Variants in REC8 observed in about 807,000 individuals in gnomAD.
REC8 encodes the protein REC8 meiotic recombination protein, also known as meiotic recombination protein REC8 homolog.
A neutral mutation model predicts 78.3 loss-of-function variants in REC8; 42 were observed. That is an observed-to-expected ratio of 0.54 (90% CI 0.42 to 0.69). The LOEUF is 0.69. Among genes scored for constraint, REC8 ranks in the 30% least tolerant of loss-of-function variants. REC8 has a pLI of 0.00. For missense variants in REC8, 581 were observed against 715.8 expected (o/e 0.81, Z 2.15); for synonymous variants, 268 against 274.1 (o/e 0.98, Z 0.22).
chr14:24,177,672 G>C, intron 10 of REC8, 37 bp from the exon 11 acceptor site: 1 of 1,600,584 alleles, frequency 6.2e-7, no homozygotes, highest in African/African-American at 1.3e-5. Context: ...AAGGGGTAAG[G>C]GGCTTATGGG....
intron 12 of REC8, 87 bp downstream of exon 12, chr14:24,178,309 G>A: frequency 8.3e-7 from 1 of 1,207,276 alleles, no homozygotes; most frequent in Non-Finnish European, 1.2e-6. Flanking sequence ...AAACTCCTCA[G>A]GTGGGTGGGG....
At chr14:24,172,670 T>C in intron 1 of REC8, 43 bp from the exon 2 acceptor site, 1 of 1,613,434 alleles carries the variant, frequency 6.2e-7, no homozygotes, top group Non-Finnish European at 8.5e-7. Flanking sequence ...GCCTGACAGC[T>C]CCCCCTCCAT....
chr14:24,180,787 C>A (rs746757459), downstream of REC8: 7 of 1,605,442 alleles, frequency 4.4e-6, no homozygotes, highest in Middle Eastern at 8.5e-4. Context: ...TGACTCAGGG[C>A]AGCAGCCCCA....
rs2038745098 is a variant in REC8, at chr14:24,173,204, T to C, written c.341+6T>C. On this transcript the variant is annotated splice_donor_region_variant and intron_variant, in intron 4 of 18. Transcript: ENST00000611366. ...ATAGATATGGAGACTGAGCTGTGAG[T>C]GTGCCCTGGGCCTTTGATGGAACAC... The C allele has an allele frequency of 1.2e-6, 2 of 1,614,164 alleles. No homozygotes were observed. Among genetic ancestry groups the C allele is most frequent in the Non-Finnish European group, 1.7e-6 (2 of 1,180,020 alleles).
Position 24,173,320 on chromosome 14 carries a change from C to T in REC8, c.371C>T (p.Ala124Val), listed in dbSNP as rs1386370082. Reference protein sequence around the residue: ...LPSLLLPNHLAMMETLEDAPD... With the variant: ...LPSLLLPNHLVMMETLEDAPD... ...AGCCTGCTGCTTCCTAACCACCTGG[C>T]CATGATGGAGACCCTAGAAGATGCT... Residue 124 changes from alanine to valine, a missense_variant, in exon 5 of 19, where the codon GCC becomes GTC. Coordinates refer to ENST00000611366, the MANE Select transcript of REC8 (RefSeq NM_001048205.2). 1.9e-6 allele frequency: 3 copies of T among 1,614,228 alleles called. No homozygotes were observed. The highest frequency in any genetic ancestry group is 4.5e-5 in the East Asian group (2 of 44,892).
rs547799260 is a variant in REC8 at position 24,174,650 on chromosome 14, C to T, written c.463-893C>T. Among the ~76,000 whole-genome samples, 210 of 152,286 alleles carry T rather than the reference C, an allele frequency of 1.4e-3. 4 individuals are homozygous for T. Among genetic ancestry groups the T allele is most frequent in the South Asian group, 1.0e-3 (5 of 4,824 alleles). ...TCTGGGCATCTGTGGCTCCTAAACA[C>T]TAGTTTGGCCCTTATGCCTCAATGA... On this transcript the variant is annotated intron_variant, in intron 5 of 18. Coordinates refer to ENST00000611366, the MANE Select transcript of REC8 (RefSeq NM_001048205.2).
Position 24,178,642 on chromosome 14 carries a change from C to T in REC8, c.1033C>T (p.Pro345Ser). Residue 345 changes from proline to serine, a missense_variant, in exon 13 of 19, where the codon CCT becomes TCT. Coordinates refer to ENST00000611366, the MANE Select transcript of REC8 (RefSeq NM_001048205.2). ...GCCGCCCGAGAGGACCATCAGAGGCCCTGCGGAGTTGTTCAGAACCCCAAC... is the reference window on the plus strand; with the variant it reads ...GCCGCCCGAGAGGACCATCAGAGGCTCTGCGGAGTTGTTCAGAACCCCAAC... ...VQPPERTIRG[P>S]AELFRTPTLS... is the part of the protein sequence containing the mutation. The T allele has an allele frequency of 6.2e-7, 1 of 1,614,068 alleles. No individual in the cohort carries two copies. Among genetic ancestry groups the T allele is most frequent in the Non-Finnish European group, 8.5e-7 (1 of 1,179,998 alleles).
chr14:24,175,450 G>A, intron 5 of REC8, 93 bp from the exon 6 acceptor site: 1 of 961,292 alleles, frequency 1.0e-6, no homozygotes. Flanking sequence ...CATAAAAGGA[G>A]ATTACCGTGC....
rs1443854502 is a variant in REC8, at chr14:24,172,194, C to G, written c.-359C>G. On this transcript the variant is annotated 5_prime_UTR_variant, in exon 1 of 19. Coordinates refer to ENST00000611366, the MANE Select transcript of REC8 (RefSeq NM_001048205.2). ...GGACCGAGGCCTGCTGTGGAGGACACCGTGCTCCCTCGGGACCTGCTCTGG... is the reference window on the plus strand; with the variant it reads ...GGACCGAGGCCTGCTGTGGAGGACAGCGTGCTCCCTCGGGACCTGCTCTGG... The G allele has an allele frequency of 6.9e-6, 2 of 290,346 alleles. No individual in the cohort carries two copies. The highest frequency in any genetic ancestry group is 1.3e-5 in the Non-Finnish European group (2 of 153,304). 18.0% of individuals were successfully genotyped at this position (290,346 alleles called of 1,614,324 possible). A position where few individuals can be genotyped will look rare whatever the true frequency, so the allele number is the denominator to read the frequency against.
In REC8 at chr14:24,176,951, TTC is replaced by T. The variant is rs1485694360; in HGVS notation, c.624+56_624+57del. 2.7e-6 allele frequency: 4 copies of T among 1,491,152 alleles called. No homozygotes were observed. The East Asian group carries it at 6.9e-5, about 26-fold the overall frequency. The allele number at this position is 1,491,152 out of a possible 1,614,324, so 92.4% of individuals were successfully genotyped here. ...TGAGGTCCAGCCCCCTTGCATGTAC[TTC>T]TCTCTGTCCCCAGAGTCCTGCCTTT... On this transcript the variant is annotated intron_variant, in intron 7 of 18. Transcript: ENST00000611366.
At chr14:24,174,165 A>AT (rs1291629534) in intron 5 of REC8, among the ~76,000 whole-genome samples, 3 of 151,538 alleles carry the variant, frequency 2.0e-5, no homozygotes, top group African/African-American at 7.3e-5. Flanking sequence ...GCCCGGCCCA[A>AT]TTTTTTTAGG....
chr14:24,179,013 C>T, intron 14 of REC8, 72 bp from the exon 15 acceptor site: 1 of 1,601,002 alleles, frequency 6.2e-7, no homozygotes, highest in Non-Finnish European at 8.5e-7. Flanking sequence ...AGCACAGGCT[C>T]ACTGGCCTTG....
In REC8 at chr14:24,178,095, G is replaced by A. The variant is rs770985369; in HGVS notation, c.869G>A (p.Arg290Lys). 3.1e-6 allele frequency: 5 copies of A among 1,612,990 alleles called. No homozygotes were observed. The highest frequency in any genetic ancestry group is 2.2e-5 in the South Asian group (2 of 91,014). ...CCTGCCCTCCCCACTCAACAGAGGA[G>A]GCCCCCAGTCCCCCCACCTCCTCGC... ...RLPAPPSPER[R>K]PPVPPPPRRR... is the part of the protein sequence containing the mutation. The change falls in exon 12 of 19, where the codon AGG becomes AAG. Residue 290 changes from arginine to lysine, a missense_variant. By Grantham distance (26) the Arg-to-Lys change is conservative. Transcript: ENST00000611366.
intron 5 of REC8, among the ~76,000 whole-genome samples, chr14:24,173,748 C>T (rs2038770250): frequency 6.6e-6 from 1 of 152,238 alleles, no homozygotes; most frequent in African/African-American, 2.4e-5. Flanking sequence ...AATACTCCTA[C>T]AGCTTAATGT....
chr14:24,177,265 G>T lies in REC8; in HGVS notation c.706+43G>T, dbSNP rs550528678. On this transcript the variant is annotated intron_variant, in intron 8 of 18. Coordinates refer to ENST00000611366, the MANE Select transcript of REC8 (RefSeq NM_001048205.2). ...CGTAGGGCCCGCCTGGAGCTGGATA[G>T]TCAGACCCCTGGCGTGGGCATTCTG... 2.5e-6 allele frequency: 4 copies of T among 1,612,172 alleles called. No homozygotes were observed. In the East Asian group the frequency reaches 8.9e-5, roughly 36 times the overall value.
At position 24,175,632 on chromosome 14, in the gene REC8, G is replaced by T; in HGVS notation, c.544+8G>T. On this transcript the variant is annotated splice_region_variant and intron_variant, in intron 6 of 18. Coordinates refer to ENST00000611366, the MANE Select transcript of REC8 (RefSeq NM_001048205.2). ...CAGAGCCCAGGGAGCCAGGTCAGCAGAGAGAACCTTCTTTCTGGTGAGAGG... is the reference window on the plus strand; with the variant it reads ...CAGAGCCCAGGGAGCCAGGTCAGCATAGAGAACCTTCTTTCTGGTGAGAGG... 6.2e-7 allele frequency: 1 copy of T among 1,609,246 alleles called. No individual in the cohort carries two copies. The highest frequency in any genetic ancestry group is 8.5e-7 in the Non-Finnish European group (1 of 1,175,666).
intron 13 of REC8, 36 bp from the exon 14 acceptor site, chr14:24,178,741 C>T (rs1347890880): frequency 6.2e-7 from 1 of 1,611,150 alleles, no homozygotes; most frequent in East Asian, 2.2e-5. Flanking sequence ...GCTCCTCACG[C>T]CTCAAACCCC....
intron 7 of REC8, 22 bp downstream of exon 7, chr14:24,176,923 G>A (rs367649032): frequency 7.5e-6 from 12 of 1,594,098 alleles, no homozygotes; most frequent in Non-Finnish European, 8.6e-6. Flanking sequence ...TGCACACAGG[G>A]CCTGAGGTCC....
Position 24,180,004 on chromosome 14 carries a change from G to T in REC8, c.1559-6G>T. On this transcript the variant is annotated splice_polypyrimidine_tract_variant and splice_region_variant and intron_variant, in intron 18 of 18. Transcript: ENST00000611366. ...CCGACCTGCCCTCTCCTCGCCTCTTGACCAGTGCTCTCAGCGCAACAGATT... is the reference window on the plus strand; with the variant it reads ...CCGACCTGCCCTCTCCTCGCCTCTTTACCAGTGCTCTCAGCGCAACAGATT... 1 of 1,614,118 alleles carries T rather than the reference G, an allele frequency of 6.2e-7. No individual in the cohort carries two copies. Among genetic ancestry groups the T allele is most frequent in the South Asian group, 1.1e-5 (1 of 91,062 alleles).
Sources: allele counts gnomAD v4.1 joint callset (sites outside exome capture counted in the v4.1 genomes callset), GRCh38; gene constraint gnomAD v4.1.1; transcripts MANE v1.5; gene names NCBI Gene and HGNC (gene_info 2026-07-23, HGNC 2026-07-21).